VPS26B: variants seen among roughly 807,000 people sequenced by gnomAD.
VPS26B encodes vacuolar protein sorting-associated protein 26B.
A neutral mutation model predicts 33.3 loss-of-function variants in VPS26B; 10 were observed. The observed-to-expected ratio is 0.30, with a 90% CI of 0.19 to 0.51. The LOEUF (loss-of-function observed/expected upper bound fraction) is 0.51, where lower values mean the gene tolerates loss of function less well. Ranked by LOEUF, VPS26B falls within the 20% of genes least tolerant of loss-of-function variation. VPS26B has a pLI of 0.98. For missense variants in VPS26B, 317 were observed against 452.7 expected (o/e 0.70, Z 2.72); for synonymous variants, 190 against 176.9 (o/e 1.07, Z -0.59).
chr11:134,226,157 T>C (rs1415045765), intron 1 of VPS26B, among the ~76,000 whole-genome samples: 1 of 152,108 alleles, frequency 6.6e-6, no homozygotes, highest in Non-Finnish European at 1.5e-5. Flanking sequence ...TCCCAGCACT[T>C]TGAGAGGCTG....
chr11:134,234,783 A>C, intron 1 of VPS26B, 114 bp from the exon 2 acceptor site: 1 of 1,315,922 alleles, frequency 7.6e-7, no homozygotes, highest in Non-Finnish European at 1.0e-6. Flanking sequence ...TCTGTTCTGC[A>C]GGGAGGTCCT....
intron 1 of VPS26B, among the ~76,000 whole-genome samples, chr11:134,232,662 A>T (rs1938573331): frequency 6.6e-6 from 1 of 152,036 alleles, no homozygotes; most frequent in African/African-American, 2.4e-5. Context: ...TTTATTCCTG[A>T]TGTTGCCTTT....
In VPS26B at chr11:134,246,999, G is replaced by T. The variant is rs1359499595; in HGVS notation, c.*1409G>T. 6.6e-6 allele frequency: 1 copy of T among 152,104 alleles called. No homozygotes were observed. The highest frequency in any genetic ancestry group is 2.1e-4 in the South Asian group (1 of 4,820). The allele number at this position is 152,104 out of a possible 1,614,324, so 9.4% of individuals were successfully genotyped here. A position where few individuals can be genotyped will look rare whatever the true frequency, so the allele number is the denominator to read the frequency against. ...AGTAATTTGGAAAGTTAAGGAGTTGGTTCCTGTGTCACCTTTCAGTTAGTG... is the reference window on the plus strand; with the variant it reads ...AGTAATTTGGAAAGTTAAGGAGTTGTTTCCTGTGTCACCTTTCAGTTAGTG... On this transcript the variant is annotated 3_prime_UTR_variant, in exon 6 of 6. Transcript: ENST00000281187.
At chr11:134,239,753 A>G in intron 2 of VPS26B, 1 of 525,600 alleles carries the variant, frequency 1.9e-6, no homozygotes, top group Non-Finnish European at 3.4e-6. Context: ...GGCTCCCTAG[A>G]GGGATTTGGG....
rs915858027 is a variant in VPS26B at position 134,246,308 on chromosome 11, A to C, written c.*718A>C. On this transcript the variant is annotated 3_prime_UTR_variant, in exon 6 of 6. Coordinates refer to ENST00000281187, the MANE Select transcript of VPS26B (RefSeq NM_052875.5). ...CGGCAGTGTTGAACCCAGGAGGCTG[A>C]ACCCGGCCCACCACGGAAGATGAGT... The C allele has an allele frequency of 6.6e-6, 1 of 152,394 alleles. No individual in the cohort carries two copies. Among genetic ancestry groups the C allele is most frequent in the Non-Finnish European group, 1.5e-5 (1 of 68,246 alleles). 9.4% of individuals were successfully genotyped at this position (152,394 alleles called of 1,614,324 possible).
rs1938693157 is a variant in VPS26B, at chr11:134,240,036, C to T, written c.426C>T (p.Val142=). 1 of 1,614,128 alleles carries T rather than the reference C, an allele frequency of 6.2e-7. No homozygotes were observed. The highest frequency in any genetic ancestry group is 1.3e-5 in the African/African-American group (1 of 75,018). ...ATISRRLNDV[V]KEMDIVVHTL... is the part of the protein sequence containing the mutation. ...TCAGCCGCCGCCTCAATGATGTTGT[C>T]AAAGAGATGGACATTGTAGTTCACA... The change falls in exon 3 of 6, where the codon GTC becomes GTT. Residue 142 remains valine (V), a synonymous_variant. Transcript: ENST00000281187. The surrounding 1 kb of genome is among the most constrained non-coding windows in gnomAD (Gnocchi z 4.4).
At position 134,245,391 on chromosome 11, in the gene VPS26B, T is replaced by C; in HGVS notation, c.865-53T>C. The stretch of plus-strand genomic sequence containing the variant: ...CAAAGTTGGGAGCCTCTAGGAAACC[T>C]GTCCCCATGCCTCCCTCTAAGGTGT... On this transcript the variant is annotated intron_variant, in intron 5 of 5. Transcript: ENST00000281187. This position sits in a 1 kb window ranked among gnomAD's most constrained non-coding sequence, Gnocchi z 4.7. 2.5e-6 allele frequency: 4 copies of C among 1,604,276 alleles called. No individual in the cohort carries two copies. The highest frequency in any genetic ancestry group is 3.4e-6 in the Non-Finnish European group (4 of 1,172,254).
In VPS26B at chr11:134,240,794, CGT is replaced by C. The variant is rs55726358; in HGVS notation, c.545+672_545+673del. On this transcript the variant is annotated intron_variant, in intron 3 of 5. Transcript: ENST00000281187. This position sits in a 1 kb window ranked among gnomAD's most constrained non-coding sequence, Gnocchi z 4.4. ...GTGTCCGTGTGTGTGTGTGTGTGTC[CGT>C]GTGTGTGTGTGTGTGTGTGTGTGTG... 9.6e-3 allele frequency among the ~76,000 whole-genome samples: 1,327 copies of C among 138,352 alleles called. 10 individuals are homozygous for C. Among genetic ancestry groups the C allele is most frequent in the African/African-American group, 0.026 (945 of 36,398 alleles). The allele number at this position is 138,352 out of a possible 152,430, so 90.8% of individuals were successfully genotyped here. A position where few individuals can be genotyped will look rare whatever the true frequency, so the allele number is the denominator to read the frequency against.
intron 1 of VPS26B, among the ~76,000 whole-genome samples, chr11:134,233,703 C>CA (rs1228746364): frequency 2.0e-5 from 3 of 150,646 alleles, no homozygotes; most frequent in African/African-American, 4.9e-5. Flanking sequence ...CCAGCCTGGG[C>CA]GACAGAGCGA....
chr11:134,237,171 T>A (rs1938644690), intron 2 of VPS26B, among the ~76,000 whole-genome samples: 1 of 152,236 alleles, frequency 6.6e-6, no homozygotes, highest in African/African-American at 2.4e-5. Context: ...CTTTTGTCTT[T>A]AGGCAGAGAA....
At chr11:134,225,548 C>T (rs1938439208) in intron 1 of VPS26B, 2 of 608,548 alleles carry the variant, frequency 3.3e-6, no homozygotes, top group East Asian at 5.9e-5. Flanking sequence ...AGCGCGCTGC[C>T]AGGGAGATGG....
chr11:134,234,464 C>T (rs369005967), intron 1 of VPS26B, among the ~76,000 whole-genome samples: 11 of 152,178 alleles, frequency 7.2e-5, no homozygotes, highest in South Asian at 2.1e-4. Context: ...GGGTTTCCAT[C>T]GTCTTTTAAA....
rs569513640 is a variant in VPS26B, at chr11:134,243,432, A to G, written c.721+138A>G. The G allele has an allele frequency of 1.6e-5, 17 of 1,079,290 alleles. No individual in the cohort carries two copies. The Admixed American group carries it at 3.6e-4, about 23-fold the overall frequency. The allele number at this position is 1,079,290 out of a possible 1,614,324, so 66.9% of individuals were successfully genotyped here. ...GTAACTTCTTAATCTCTCAGTTTAC[A>G]CCGTGGGTGGCCATAAGGAAGAAAA... On this transcript the variant is annotated intron_variant, in intron 4 of 5. Transcript: ENST00000281187.
chr11:134,243,483 G>C (rs1938764647), intron 4 of VPS26B, 189 bp downstream of exon 4: 1 of 657,116 alleles, frequency 1.5e-6, no homozygotes, highest in Non-Finnish European at 2.5e-6. Flanking sequence ...TAGAACTTGA[G>C]GCTACTATCC....
In VPS26B at chr11:134,245,546, G is replaced by A; in HGVS notation, c.967G>A (p.Val323Met). 6.2e-7 allele frequency: 1 copy of A among 1,613,390 alleles called. No homozygotes were observed. Among genetic ancestry groups the A allele is most frequent in the Non-Finnish European group, 8.5e-7 (1 of 1,179,986 alleles). The change falls in exon 6 of 6, where the codon GTG becomes ATG. Residue 323 changes from valine to methionine, a missense_variant. Val to Met is a conservative substitution (Grantham distance 21). Coordinates refer to ENST00000281187, the MANE Select transcript of VPS26B (RefSeq NM_052875.5). This position sits in a 1 kb window ranked among gnomAD's most constrained non-coding sequence, Gnocchi z 4.7. The part of the protein sequence containing the change: ...RFEGTTSLGE[V>M]RTPSQLSDNN... ...TGAGGGCACCACCTCCCTGGGTGAG[G>A]TGCGGACCCCCAGCCAGCTGTCTGA... is the stretch of plus-strand genomic sequence containing the variant.
At chr11:134,239,587 C>T (rs1384740168) in intron 2 of VPS26B, 2 of 194,202 alleles carry the variant, frequency 1.0e-5, no homozygotes, top group Non-Finnish European at 2.2e-5. Context: ...CTCCTTTGCC[C>T]CAAAAGCCAG....
At position 134,239,543 on chromosome 11, in the gene VPS26B, G is replaced by A. The variant is rs768438313; in HGVS notation, c.381-448G>A. 3.8e-5 allele frequency: 7 copies of A among 182,474 alleles called. No homozygotes were observed. The South Asian group carries it at 6.8e-4, about 18-fold the overall frequency. The allele number at this position is 182,474 out of a possible 1,614,324, so 11.3% of individuals were successfully genotyped here. On this transcript the variant is annotated intron_variant, in intron 2 of 5. Transcript: ENST00000281187. ...GTTTATTGATTGAATATTGTTCGGT[G>A]AACAAACATGCAAAGATAAAACTAC...
chr11:134,226,641 T>C (rs912584859), intron 1 of VPS26B, among the ~76,000 whole-genome samples: 1 of 152,228 alleles, frequency 6.6e-6, no homozygotes, highest in Non-Finnish European at 1.5e-5. Context: ...AGAGAATCCA[T>C]ACCGATACCA....
intron 1 of VPS26B, among the ~76,000 whole-genome samples, chr11:134,227,895 T>C (rs1938502017): frequency 6.6e-6 from 1 of 152,238 alleles, no homozygotes; most frequent in Non-Finnish European, 1.5e-5. Context: ...CTGTACCTGT[T>C]TTACCTGAAG....
Sources: gnomAD v4.1 joint callset for allele counts (sites outside exome capture counted in the v4.1 genomes callset) on GRCh38, gnomAD v4.1.1 for gene constraint, Gnocchi (gnomAD v3.1) non-coding constraint, MANE v1.5 for transcripts, NCBI Gene and HGNC (gene_info 2026-07-23, HGNC 2026-07-21) for gene names.